GSG1L2: variants seen among roughly 807,000 people sequenced by gnomAD.
The protein encoded by GSG1L2 is GSG1 like 2, also known as germ cell-specific gene 1-like protein 2.
GSG1L2 carries 15 observed loss-of-function variants against 9.0 expected under a neutral mutation model. That is an observed-to-expected ratio of 1.67 (90% CI 1.12 to 2.57). The LOEUF is 2.57. Ranked by LOEUF, GSG1L2 falls within the 30% of genes most tolerant of loss-of-function variation. The pLI, the probability that GSG1L2 is intolerant of heterozygous loss-of-function variation, is 0.00. For missense variants in GSG1L2, 286 were observed against 150.3 expected (o/e 1.90, Z -4.72); for synonymous variants, 127 against 57.9 (o/e 2.19, Z -5.41).
At chr17:9,808,585 C>T (rs2066525072) in intron 3 of GSG1L2, among the ~76,000 whole-genome samples, 2 of 152,144 alleles carry the variant, frequency 1.3e-5, no homozygotes, top group African/African-American at 4.8e-5. Context: ...CACCCTCTTC[C>T]CTGGTTGTGA....
At chr17:9,803,211 C>T (rs9303243) in intron 4 of GSG1L2, among the ~76,000 whole-genome samples, 134,874 of 151,314 alleles carry the variant, frequency 0.89, 60,200 homozygotes, top group East Asian at 0.95. Context: ...CAAGCAATTC[C>T]CCTGCCTCAG....
intron 1 of GSG1L2, among the ~76,000 whole-genome samples, chr17:9,821,142 T>C (rs2066587942): frequency 6.6e-6 from 1 of 152,224 alleles, no homozygotes; most frequent in Non-Finnish European, 1.5e-5. Flanking sequence ...TCCTCCTTTT[T>C]CTGCCTTGGA....
intron 2 of GSG1L2, chr17:9,809,258 TG>T: frequency 2.3e-6 from 1 of 432,682 alleles, no homozygotes; most frequent in East Asian, 4.9e-5. Flanking sequence ...TGAGTGGTGC[TG>T]GGGGTCTCCA....
intron 2 of GSG1L2, chr17:9,809,651 CGCTGATTGGTGCGCTTTACAGAGT>C (rs1338337408): frequency 2.6e-5 from 4 of 152,686 alleles, no homozygotes; most frequent in Admixed American, 6.5e-5. Context: ...TTTTACAGAG[CGCTGATTGGTGCGCTTTACAGAGT>C]GCTGATTGGT....
Position 9,802,613 on chromosome 17 carries a change from C to T in GSG1L2, c.655G>A (p.Ala219Thr). The T allele has an allele frequency of 1.4e-6, 1 of 702,858 alleles. No homozygotes were observed. The highest frequency in any genetic ancestry group is 2.6e-6 in the Non-Finnish European group (1 of 384,988). The allele number at this position is 702,858 out of a possible 1,614,324, so 43.5% of individuals were successfully genotyped here. A position where few individuals can be genotyped will look rare whatever the true frequency, so the allele number is the denominator to read the frequency against. The change falls in exon 5 of 5, where the codon GCT becomes ACT. Residue 219 changes from alanine (A) to threonine (T), a missense_variant. By Grantham distance (58) the Ala-to-Thr change is moderately conservative (BLOSUM62 0). Coordinates refer to ENST00000399363, the MANE Select transcript of GSG1L2 (RefSeq NM_001310219.2). ...CTGCTCATGGCCGAGACCGACACAG[C>T]CAGGCAGAGGGCGAAAGAACCCCAG... ...LAWGSFALCL[A>T]VSVSAMSRFT...
At chr17:9,818,501 A>ATTTTTT (rs377057350) in intron 1 of GSG1L2, among the ~76,000 whole-genome samples, 2,352 of 82,690 alleles carry the variant, frequency 0.028, 183 homozygotes, top group Non-Finnish European at 0.042. Flanking sequence ...ACACAGCTAA[A>ATTTTTT]TTTTTTTTTT....
At chr17:9,809,412 C>T (rs141704423) in intron 2 of GSG1L2, 282 of 194,718 alleles carry the variant, frequency 1.4e-3, no homozygotes, top group African/African-American at 6.1e-3. Context: ...AAAGAGTGAG[C>T]GGTAGCAAGG....
At chr17:9,818,306 C>G (rs2066575371) in intron 1 of GSG1L2, among the ~76,000 whole-genome samples, 1 of 151,834 alleles carries the variant, frequency 6.6e-6, no homozygotes, top group African/African-American at 2.4e-5. Flanking sequence ...GAAGGTGGCA[C>G]ACACTTTTCT....
At chr17:9,806,443 G>C (rs1254655165) in intron 4 of GSG1L2, among the ~76,000 whole-genome samples, 2 of 152,212 alleles carry the variant, frequency 1.3e-5, no homozygotes, top group Non-Finnish European at 2.9e-5. Flanking sequence ...GTTACGCTTA[G>C]TACTATTTGA....
At chr17:9,818,403 G>A (rs534180430) in intron 1 of GSG1L2, among the ~76,000 whole-genome samples, 81 of 151,748 alleles carry the variant, frequency 5.3e-4, no homozygotes, top group African/African-American at 1.8e-3. Flanking sequence ...GTGCGATCTC[G>A]GCTCACTGCA....
In GSG1L2 at chr17:9,803,459, A is replaced by G. The variant is rs1419194672; in HGVS notation, c.624-815T>C. 2.0e-5 allele frequency among the ~76,000 whole-genome samples: 3 copies of G among 152,202 alleles called. No homozygotes were observed. In the East Asian group the frequency reaches 5.8e-4, roughly 29 times the overall value. Reference sequence around the variant, plus strand: ...TGTAAGCCTGTTGCATACTGAGATGATGGGCTACACTTTTCATCCTTCAAA... The same window carrying G: ...TGTAAGCCTGTTGCATACTGAGATGGTGGGCTACACTTTTCATCCTTCAAA... On this transcript the variant is annotated intron_variant, in intron 4 of 4. Coordinates refer to ENST00000399363, the MANE Select transcript of GSG1L2 (RefSeq NM_001310219.2).
intron 1 of GSG1L2, among the ~76,000 whole-genome samples, chr17:9,812,323 T>G (rs1312500814): frequency 6.6e-6 from 1 of 152,096 alleles, no homozygotes; most frequent in African/African-American, 2.4e-5. Flanking sequence ...ATTCAAGAAC[T>G]CTCTATGGCT....
intron 1 of GSG1L2, among the ~76,000 whole-genome samples, chr17:9,816,370 C>G (rs77452490): frequency 8.1e-6 from 1 of 122,974 alleles, no homozygotes; most frequent in Non-Finnish European, 1.7e-5. Context: ...ATGCGTGTGT[C>G]TGTGTGTGTG....
intron 1 of GSG1L2, among the ~76,000 whole-genome samples, chr17:9,811,202 C>T (rs1440988394): frequency 6.6e-6 from 1 of 152,130 alleles, no homozygotes; most frequent in Non-Finnish European, 1.5e-5. Flanking sequence ...GATCAAAGTT[C>T]GCAATTTATT....
chr17:9,814,141 G>T (rs1001024018), intron 1 of GSG1L2, among the ~76,000 whole-genome samples: 3 of 152,250 alleles, frequency 2.0e-5, no homozygotes, highest in African/African-American at 2.4e-5. Context: ...TCACCATGTT[G>T]GCCAGGCTGA....
Position 9,802,610 on chromosome 17 carries a change from C to T in GSG1L2, c.658G>A (p.Val220Met). ...AWGSFALCLA[V>M]SVSAMSRFTA... ...AACCTGCTCATGGCCGAGACCGACA[C>T]AGCCAGGCAGAGGGCGAAAGAACCC... The change falls in exon 5 of 5, where the codon GTG becomes ATG. Residue 220 changes from valine to methionine, a missense_variant. Val to Met is a conservative substitution (Grantham distance 21). Transcript: ENST00000399363. 1.4e-6 allele frequency: 1 copy of T among 702,942 alleles called. No individual in the cohort carries two copies. The highest frequency in any genetic ancestry group is 1.5e-5 in the South Asian group (1 of 67,572). The allele number at this position is 702,942 out of a possible 1,614,324, so 43.5% of individuals were successfully genotyped here. A position where few individuals can be genotyped will look rare whatever the true frequency, so the allele number is the denominator to read the frequency against.
In GSG1L2 at chr17:9,802,264, T is replaced by A; in HGVS notation, c.*122A>T. 1.8e-6 allele frequency: 1 copy of A among 559,346 alleles called. No homozygotes were observed. The highest frequency in any genetic ancestry group is 3.2e-6 in the Non-Finnish European group (1 of 314,042). The allele number at this position is 559,346 out of a possible 1,614,324, so 34.6% of individuals were successfully genotyped here. ...TAGTAAAAGGTGAGATGTGGAGGGG[T>A]GGGGATGGAAGCTTTCCCTGGACAA... On this transcript the variant is annotated 3_prime_UTR_variant, in exon 5 of 5. Transcript: ENST00000399363.
intron 1 of GSG1L2, among the ~76,000 whole-genome samples, chr17:9,821,092 T>A (rs2066587709): frequency 6.6e-6 from 1 of 152,160 alleles, no homozygotes; most frequent in Non-Finnish European, 1.5e-5. Context: ...AAATTGACTG[T>A]AATAAGCTGA....
Position 9,802,314 on chromosome 17 carries a change from G to C in GSG1L2, c.*72C>G, listed in dbSNP as rs2066499763. On this transcript the variant is annotated 3_prime_UTR_variant, in exon 5 of 5. Coordinates refer to ENST00000399363, the MANE Select transcript of GSG1L2 (RefSeq NM_001310219.2). ...ACAATCTCCTGAAGTCCAACCCAGAGGCAGGGTGTACATTGTGAGTGTCAG... is the reference window on the plus strand; with the variant it reads ...ACAATCTCCTGAAGTCCAACCCAGACGCAGGGTGTACATTGTGAGTGTCAG... The C allele has an allele frequency of 1.7e-6, 1 of 593,782 alleles. No homozygotes were observed. The highest frequency in any genetic ancestry group is 3.0e-6 in the Non-Finnish European group (1 of 331,478). The allele number at this position is 593,782 out of a possible 1,614,324, so 36.8% of individuals were successfully genotyped here.
Sources: allele counts gnomAD v4.1 joint callset (sites outside exome capture counted in the v4.1 genomes callset), GRCh38; gene constraint gnomAD v4.1.1; transcripts MANE v1.5; gene names NCBI Gene and HGNC (gene_info 2026-07-23, HGNC 2026-07-21).